The following NUP210L variants were observed in gnomAD, a reference collection of about 807,000 sequenced individuals.
NUP210L encodes nucleoporin 210 like.
In NUP210L, 74 loss-of-function variants were observed where a neutral mutation model predicts 208.5. The observed-to-expected ratio is 0.35, with a 90% CI of 0.29 to 0.43. NUP210L has a LOEUF of 0.43. Ranked by LOEUF, NUP210L falls within the 20% of genes least tolerant of loss-of-function variation. The pLI is 1.00. For missense variants in NUP210L, 1,843 were observed against 2,289.4 expected (o/e 0.81, Z 3.98); for synonymous variants, 780 against 816.9 (o/e 0.95, Z 0.77).
At chr1:154,064,295 C>T (rs1654286190) in intron 17 of NUP210L, among the ~76,000 whole-genome samples, 1 of 151,958 alleles carries the variant, frequency 6.6e-6, no homozygotes, top group Non-Finnish European at 1.5e-5. Flanking sequence ...TGTCAGGTGA[C>T]TTACATTAGT....
intron 12 of NUP210L, among the ~76,000 whole-genome samples, chr1:154,113,204 A>T (rs1233257049): frequency 1.3e-5 from 2 of 148,606 alleles, no homozygotes; most frequent in African/African-American, 2.4e-5. Flanking sequence ...ACTGTTAAGA[A>T]AAAGAAGAAA....
intron 1 of NUP210L, among the ~76,000 whole-genome samples, chr1:154,154,314 A>G (rs1039973034): frequency 1.3e-5 from 2 of 152,204 alleles, no homozygotes; most frequent in African/African-American, 4.8e-5. Context: ...ATGAGTTAAC[A>G]CATGTAAAGT....
At chr1:154,027,781 G>A (rs1000344930) in intron 28 of NUP210L, among the ~76,000 whole-genome samples, 184 bp from the exon 29 acceptor site, 8 of 152,044 alleles carry the variant, frequency 5.3e-5, no homozygotes, top group African/African-American at 1.9e-4. Context: ...AATGAACCAG[G>A]CACTCAAAAC....
exon 19 of NUP210L, chr1:154,060,972 A>G (rs369569325): frequency 1.2e-6 from 2 of 1,613,562 alleles, no homozygotes; most frequent in Non-Finnish European, 1.7e-6. Flanking sequence ...AGATGGTGGC[A>G]TTCTCAGGCA....
At chr1:154,058,016 A>G (rs1339370069) in intron 22 of NUP210L, 73 bp downstream of exon 22, 1 of 1,518,858 alleles carries the variant, frequency 6.6e-7, no homozygotes, top group Non-Finnish European at 9.0e-7. Context: ...GGTAAGGGAA[A>G]GCTGACCAGG....
chr1:154,102,991 G>T (rs530015814), intron 13 of NUP210L, among the ~76,000 whole-genome samples: 1 of 152,030 alleles, frequency 6.6e-6, no homozygotes, highest in African/African-American at 2.4e-5. Flanking sequence ...TAGCAGTATA[G>T]CTTGGGCCCA....
intron 8 of NUP210L, among the ~76,000 whole-genome samples, chr1:154,128,439 C>A (rs2148120678): frequency 6.6e-6 from 1 of 152,074 alleles, no homozygotes. Context: ...GGGCTGTAGC[C>A]CATTGCATTC....
At chr1:154,050,258 G>A (rs1243039873) in intron 25 of NUP210L, among the ~76,000 whole-genome samples, 1 of 152,128 alleles carries the variant, frequency 6.6e-6, no homozygotes, top group East Asian at 1.9e-4. Context: ...GACATTAATT[G>A]GATATGACCT....
At chr1:154,042,270 C>G (rs1037784537) in intron 27 of NUP210L, among the ~76,000 whole-genome samples, 1 of 151,730 alleles carries the variant, frequency 6.6e-6, no homozygotes, top group Non-Finnish European at 1.5e-5. Context: ...TGGCTAATCT[C>G]ATGTGTGTTT....
chr1:154,011,246 T>A (rs1650901261), intron 34 of NUP210L, among the ~76,000 whole-genome samples: 1 of 148,942 alleles, frequency 6.7e-6, no homozygotes. Context: ...TTTTTTGAGA[T>A]GGAGTCTTGC....
At chr1:154,040,591 CT>C (rs1245452541) in intron 27 of NUP210L, among the ~76,000 whole-genome samples, 286 of 143,292 alleles carry the variant, frequency 2.0e-3, no homozygotes, top group Admixed American at 2.0e-3. Context: ...TTCTTTCTTT[CT>C]TTTTTTTTTT....
At chr1:154,124,304 CTG>C (rs1657773821) in intron 10 of NUP210L, among the ~76,000 whole-genome samples, 2 of 150,686 alleles carry the variant, frequency 1.3e-5, no homozygotes, top group African/African-American at 4.9e-5. Context: ...AATACAGAAG[CTG>C]AGGGAGAAGG....
At chr1:154,004,005 G>C (rs992450015) in intron 35 of NUP210L, among the ~76,000 whole-genome samples, 1 of 151,614 alleles carries the variant, frequency 6.6e-6, no homozygotes, top group Non-Finnish European at 1.5e-5. Flanking sequence ...AGACCCATTA[G>C]TCTGGTCTAG....
At chr1:154,062,567 C>CTTTTTTTTT (rs34499821) in intron 17 of NUP210L, among the ~76,000 whole-genome samples, 257 of 74,988 alleles carry the variant, frequency 3.4e-3, no homozygotes, top group Middle Eastern at 0.014. Flanking sequence ...TTTCTTTTTC[C>CTTTTTTTTT]TTTTTTTTTT....
At chr1:154,006,390 C>T (rs1023693603) in intron 35 of NUP210L, among the ~76,000 whole-genome samples, 1 of 152,114 alleles carries the variant, frequency 6.6e-6, no homozygotes, top group African/African-American at 2.4e-5. Flanking sequence ...ATCTAGTTCA[C>T]TCTTAGTCAT....
intron 35 of NUP210L, 150 bp downstream of exon 35, chr1:154,009,822 G>T: frequency 1.7e-4 from 80 of 477,610 alleles, no homozygotes; most frequent in Middle Eastern, 6.1e-4. Flanking sequence ...AAAAAGAGTT[G>T]AACGGGTTGA....
chr1:154,118,152 A>T (rs563230602), intron 11 of NUP210L, among the ~76,000 whole-genome samples: 13 of 152,190 alleles, frequency 8.5e-5, no homozygotes, highest in African/African-American at 2.9e-4. Context: ...TCTACTAAAA[A>T]TACAAAATTA....
At chr1:154,036,671 T>A (rs557051799) in intron 27 of NUP210L, among the ~76,000 whole-genome samples, 1 of 151,820 alleles carries the variant, frequency 6.6e-6, no homozygotes, top group African/African-American at 2.4e-5. Flanking sequence ...AGCCAGAACA[T>A]ACATATTTTT....
intron 16 of NUP210L, among the ~76,000 whole-genome samples, chr1:154,072,523 G>A (rs1173938802): frequency 6.6e-6 from 1 of 151,652 alleles, no homozygotes. Flanking sequence ...TAGTAGAGAT[G>A]GGGTTTCACC....
Sources: allele counts gnomAD v4.1 joint callset (sites outside exome capture counted in the v4.1 genomes callset), GRCh38; gene constraint gnomAD v4.1.1; transcripts MANE v1.5; gene names NCBI Gene and HGNC (gene_info 2026-07-23, HGNC 2026-07-21).